ABCC6: variants seen among roughly 807,000 people sequenced by gnomAD.
ABCC6 encodes the protein ATP binding cassette subfamily C member 6.
In ABCC6, 126 loss-of-function variants were observed where a neutral mutation model predicts 169.5. The observed-to-expected ratio is 0.74, with a 90% confidence interval of 0.64 to 0.86. The LOEUF (loss-of-function observed/expected upper bound fraction) is 0.86, where lower values mean the gene tolerates loss of function less well. Ranked by LOEUF, ABCC6 falls within the 40% of genes least tolerant of loss-of-function variation. The probability of loss-of-function intolerance (pLI) is 0.00; values close to 1 mark genes in which losing one functional copy is unlikely to be tolerated. For missense variants in ABCC6, 1,733 were observed against 1,927.2 expected, an observed-to-expected ratio of 0.90 and a Z score of 1.89; for synonymous variants, 752 against 814.7, an observed-to-expected ratio of 0.92 and a Z score of 1.31.
In ABCC6 at chr16:16,188,965, C is replaced by T. The variant is rs1596675477; in HGVS notation, c.1645G>A (p.Val549Met). Residue 549 changes from valine to methionine, a missense_variant, in exon 13 of 31, where the codon GTG (valine) becomes ATG (methionine). Val to Met is a conservative substitution (Grantham distance 21). Transcript: ENST00000205557. ...FQVSTFLVAL[V>M]VFAVHTLVAE... ...ACCAGAGTGTGGACAGCAAACACCA[C>T]CAGTGCGACCTGGGGGGTGGGGGGG... 6.2e-7 allele frequency: 1 copy of T among 1,613,992 alleles called. No homozygotes were observed. Among genetic ancestry groups the T allele is most frequent in the Non-Finnish European group, 8.5e-7 (1 of 1,180,032 alleles).
At chr16:16,218,016 G>A (rs1001123589) in intron 4 of ABCC6, among the ~76,000 whole-genome samples, 1 of 152,214 alleles carries the variant, frequency 6.6e-6, no homozygotes, top group South Asian at 2.1e-4. Flanking sequence ...ATTGAACCCG[G>A]AGGTGGAGGT....
intron 27 of ABCC6, chr16:16,155,378 A>G: frequency 2.7e-6 from 1 of 376,710 alleles, no homozygotes; most frequent in South Asian, 4.0e-5. Flanking sequence ...CTGTCCGTCC[A>G]TCCATCCCTT....
At chr16:16,195,558 C>T (rs970128786) in intron 10 of ABCC6, among the ~76,000 whole-genome samples, 2 of 152,072 alleles carry the variant, frequency 1.3e-5, no homozygotes, top group Non-Finnish European at 2.9e-5. Flanking sequence ...AGTGTTCTGC[C>T]GGCCTTCACC....
Position 16,169,989 on chromosome 16 carries a change from C to T in ABCC6, c.2788-136G>A, listed in dbSNP as rs181154408. 938 of 868,494 alleles carry T rather than the reference C, an allele frequency of 1.1e-3. 4 individuals are homozygous for T. The highest frequency in any genetic ancestry group is 2.4e-3 in the South Asian group (164 of 67,852). 53.8% of individuals were successfully genotyped at this position (868,494 alleles called of 1,614,324 possible). ...ACCACGCAGACCTCACTGGTTCTCCCGCTGTGCCTCCCACCAGAAGCACCA... is the reference window on the plus strand; with the variant it reads ...ACCACGCAGACCTCACTGGTTCTCCTGCTGTGCCTCCCACCAGAAGCACCA... On this transcript the variant is annotated intron_variant, in intron 21 of 30. Coordinates refer to ENST00000205557, the MANE Select transcript of ABCC6 (RefSeq NM_001171.6).
Position 16,190,273 on chromosome 16 carries a change from G to C in ABCC6, c.1526C>G (p.Ala509Gly), listed in dbSNP as rs779408186. The change falls in exon 12 of 31, where the codon GCC becomes GGC. Residue 509 changes from alanine to glycine, a missense_variant. Transcript: ENST00000205557. Reference sequence around the variant, plus strand: ...GATGCCCAGGACTCTGTCCAGAAAGGCTCCCTCCCAGCCATGGAACTTGAT... The same window carrying C: ...GATGCCCAGGACTCTGTCCAGAAAGCCTCCCTCCCAGCCATGGAACTTGAT... The part of the protein sequence containing the change: ...KTIKFHGWEG[A>G]FLDRVLGIRG... 43 of 1,613,994 alleles carry C rather than the reference G, an allele frequency of 2.7e-5. No homozygotes were observed. The highest frequency in any genetic ancestry group is 1.6e-4 in the Middle Eastern group (1 of 6,084).
chr16:16,150,175 C>T lies in ABCC6; in HGVS notation c.4470G>A (p.Lys1490=). ...SGSPAQLLAQ[K]GLFYRLAQES... is the part of the protein sequence containing the mutation. ...CCTGGGCCAGTCTGTAAAACAGGCC[C>T]TTCTGGGCCAGCAGCTGGGCCGGGC... The change falls in exon 31 of 31, where the codon AAG becomes AAA. Residue 1490 remains lysine, a synonymous_variant. Transcript: ENST00000205557. 1 of 1,613,460 alleles carries T rather than the reference C, an allele frequency of 6.2e-7. No homozygotes were observed. The highest frequency in any genetic ancestry group is 2.2e-5 in the East Asian group (1 of 44,882).
chr16:16,165,569 G>T, intron 23 of ABCC6, 54 bp downstream of exon 23: 1 of 1,593,832 alleles, frequency 6.3e-7, no homozygotes, highest in Non-Finnish European at 8.6e-7. Flanking sequence ...AGAGACAGGG[G>T]ACTGGCTGAG....
At chr16:16,182,671 C>G (rs1025399628) in intron 16 of ABCC6, 83 bp from the exon 17 acceptor site, 1 of 1,591,754 alleles carries the variant, frequency 6.3e-7, no homozygotes, top group Admixed American at 1.7e-5. Flanking sequence ...GAGCTGGGCT[C>G]TCAGTGGTGG....
chr16:16,181,731 G>C (rs1243050397), intron 17 of ABCC6: 2 of 153,578 alleles, frequency 1.3e-5, no homozygotes, highest in Non-Finnish European at 2.9e-5. Context: ...TCCGGAGTTT[G>C]AGACCAGCCT....
chr16:16,202,319 T>C (rs2152282794), intron 8 of ABCC6, 141 bp from the exon 9 acceptor site: 2 of 925,332 alleles, frequency 2.2e-6, no homozygotes, highest in East Asian at 5.3e-5. Context: ...TGTGGTTTTT[T>C]TTGCAATAAT....
intron 11 of ABCC6, among the ~76,000 whole-genome samples, 159 bp from the exon 12 acceptor site, chr16:16,190,526 C>G (rs973105755): frequency 6.6e-6 from 1 of 152,052 alleles, no homozygotes; most frequent in Non-Finnish European, 1.5e-5. Flanking sequence ...CTGGTCCAAC[C>G]ACCATCATCC....
chr16:16,155,097 C>A (rs2046505681), intron 27 of ABCC6, 66 bp from the exon 28 acceptor site: 1 of 1,515,214 alleles, frequency 6.6e-7, no homozygotes, highest in Non-Finnish European at 8.9e-7. Flanking sequence ...TTGGGGAGAT[C>A]TTTCTGCTGT....
chr16:16,188,294 G>C (rs2152267910), intron 13 of ABCC6, among the ~76,000 whole-genome samples: 1 of 151,650 alleles, frequency 6.6e-6, no homozygotes, highest in African/African-American at 2.4e-5. Context: ...TGGCAGGCTG[G>C]GGCAGGAGAA....
intron 25 of ABCC6, among the ~76,000 whole-genome samples, chr16:16,161,133 T>C (rs578244540): frequency 6.6e-6 from 1 of 152,314 alleles, no homozygotes; most frequent in Admixed American, 6.5e-5. Flanking sequence ...AACAATGCAC[T>C]AGAAATGTCC....
At chr16:16,222,500 C>T (rs933083499) in intron 1 of ABCC6, among the ~76,000 whole-genome samples, 1 of 152,144 alleles carries the variant, frequency 6.6e-6, no homozygotes, top group Non-Finnish European at 1.5e-5. Flanking sequence ...ACCTCGGCCT[C>T]CCAGAGTGCT....
chr16:16,221,931 C>A (rs866874839), intron 1 of ABCC6, 100 bp from the exon 2 acceptor site: 2 of 1,592,678 alleles, frequency 1.3e-6, no homozygotes, highest in Middle Eastern at 2.3e-4. Context: ...TTAACATTTA[C>A]ACAAAAATGT....
At chr16:16,202,330 G>A in intron 8 of ABCC6, 152 bp from the exon 9 acceptor site, 1 of 831,390 alleles carries the variant, frequency 1.2e-6, no homozygotes, top group Non-Finnish European at 1.9e-6. Flanking sequence ...TTGCAATAAT[G>A]GTCTCCGTTA....
At chr16:16,151,693 C>A (rs1712604356) in intron 29 of ABCC6, among the ~76,000 whole-genome samples, 1 of 152,154 alleles carries the variant, frequency 6.6e-6, no homozygotes. Context: ...TGTATATATT[C>A]ACTCAATCCT....
chr16:16,212,865 C>T (rs2048686904), intron 5 of ABCC6, among the ~76,000 whole-genome samples: 1 of 152,006 alleles, frequency 6.6e-6, no homozygotes, highest in African/African-American at 2.4e-5. Context: ...GACAATATCC[C>T]TCGGCAAATG....
Sources: gnomAD v4.1 joint callset for allele counts (sites outside exome capture counted in the v4.1 genomes callset) on GRCh38, gnomAD v4.1.1 for gene constraint, MANE v1.5 for transcripts, NCBI Gene and HGNC (gene_info 2026-07-23, HGNC 2026-07-21) for gene names.